HTT: variants seen among roughly 807,000 people sequenced by gnomAD.
HTT encodes huntingtin.
HTT carries 104 observed loss-of-function variants against 362.3 expected under a neutral mutation model. That is an observed-to-expected ratio of 0.29 (90% confidence interval 0.24 to 0.34). HTT has a LOEUF of 0.34. Ranked by LOEUF, HTT falls within the 10% of genes least tolerant of loss-of-function variation. The pLI is 1.00. For synonymous variants in HTT, 1,577 were observed against 1,548.7 expected, an observed-to-expected ratio of 1.02 and a Z score of -0.43; for missense variants, 3,301 against 3,928.6, an observed-to-expected ratio of 0.84 and a Z score of 4.27.
Position 3,145,225 on chromosome 4 carries a change from G to A in HTT, c.3140G>A (p.Cys1047Tyr). 1 of 1,605,166 alleles carries A rather than the reference G, an allele frequency of 6.2e-7. No individual in the cohort carries two copies. Among genetic ancestry groups the A allele is most frequent in the Non-Finnish European group, 8.5e-7 (1 of 1,171,820 alleles). Residue 1047 changes from cysteine (C) to tyrosine (Y), a missense_variant, in exon 24 of 67, where the codon TGT becomes TAT. Cys to Tyr is a radical substitution (Grantham distance 194). Transcript: ENST00000355072. ...TGCATTTGGAGTTTAGGTTGGCACT[G>A]TGGGTATGTATTTTCCTCAGTATAT... Reference protein sequence around the residue: ...PVCIWSLGWHCGVPPLSASDE... With the variant: ...PVCIWSLGWHYGVPPLSASDE...
chr4:3,236,281 C>G (rs1222226140), intron 64 of HTT, 27 bp downstream of exon 64: 2 of 1,459,498 alleles, frequency 1.4e-6, no homozygotes, highest in African/African-American at 2.8e-5. Flanking sequence ...CATCCCTCAG[C>G]CGTTAGCTTC....
intron 19 of HTT, 28 bp downstream of exon 19, chr4:3,134,568 A>G (rs1437290263): frequency 3.1e-6 from 5 of 1,596,846 alleles, no homozygotes; most frequent in African/African-American, 1.3e-5. Context: ...ATTAGATTTC[A>G]TGAACTAAGC....
chr4:3,211,783 T>C, intron 47 of HTT, 146 bp from the exon 48 acceptor site: 1 of 612,846 alleles, frequency 1.6e-6, no homozygotes, highest in Middle Eastern at 4.3e-4. Context: ...GAGTAGAATT[T>C]TCTTAAAAAT....
At chr4:3,127,690 A>C in intron 12 of HTT, 86 bp downstream of exon 12, 1 of 974,840 alleles carries the variant, frequency 1.0e-6, no homozygotes, top group South Asian at 1.6e-5. Context: ...GAGGCCGGGC[A>C]CAGGGGCTCA....
At chr4:3,174,574 CT>C (rs1159950117) in intron 31 of HTT, 146 bp from the exon 32 acceptor site, 1 of 612,694 alleles carries the variant, frequency 1.6e-6, no homozygotes, top group East Asian at 3.0e-5. Flanking sequence ...TGCTGCCACA[CT>C]GAGTGGCCTT....
At chr4:3,176,922 A>G (rs1287939527) in intron 33 of HTT, among the ~76,000 whole-genome samples, 1 of 152,220 alleles carries the variant, frequency 6.6e-6, no homozygotes, top group Non-Finnish European at 1.5e-5. Context: ...ACTGGCTCCC[A>G]TGCAGCCCTT....
intron 19 of HTT, 36 bp from the exon 20 acceptor site, chr4:3,135,868 T>C: frequency 6.4e-7 from 1 of 1,557,060 alleles, no homozygotes; most frequent in African/African-American, 1.4e-5. Context: ...ACTGAGTAAC[T>C]AAATGATTTC....
intron 41 of HTT, among the ~76,000 whole-genome samples, chr4:3,202,776 C>G (rs769637705): frequency 5.3e-5 from 8 of 152,088 alleles, no homozygotes; most frequent in Admixed American, 1.3e-4. Flanking sequence ...TTTTGAGAGG[C>G]TGAAGTGGGA....
At chr4:3,208,107 T>A (rs2110271208) in intron 45 of HTT, among the ~76,000 whole-genome samples, 1 of 152,320 alleles carries the variant, frequency 6.6e-6, no homozygotes, top group South Asian at 2.1e-4. Flanking sequence ...TTTCAGTCTT[T>A]AGAGTACCTT....
intron 1 of HTT, 138 bp from the exon 2 acceptor site, chr4:3,086,801 C>A: frequency 1.8e-6 from 1 of 547,482 alleles, no homozygotes; most frequent in Non-Finnish European, 3.4e-6. Context: ...TCCAGATCCC[C>A]ATTCTGCCCG....
intron 6 of HTT, among the ~76,000 whole-genome samples, chr4:3,112,042 G>C (rs1714780043): frequency 6.6e-6 from 1 of 152,122 alleles, no homozygotes; most frequent in Non-Finnish European, 1.5e-5. Context: ...TTACTTTTTA[G>C]CTTCCGAAGT....
At chr4:3,213,838 C>T (rs1003276209) in intron 49 of HTT, 120 bp from the exon 50 acceptor site, 2 of 824,234 alleles carry the variant, frequency 2.4e-6, no homozygotes, top group South Asian at 4.6e-5. Context: ...TCTGGAAGGG[C>T]AAGGGCACCT....
Position 3,182,301 on chromosome 4 carries a change from G to A in HTT, c.4750-53G>A, listed in dbSNP as rs1261496612. On this transcript the variant is annotated intron_variant, in intron 36 of 66. Coordinates refer to ENST00000355072, the MANE Select transcript of HTT (RefSeq NM_001388492.1). ...CAAGTATAACAGACGGACACGTAGG[G>A]GTGGAAAGGCGTCTCTTGGCAGCAG... The A allele has an allele frequency of 7.3e-6, 8 of 1,098,474 alleles. No individual in the cohort carries two copies. In the Admixed American group the frequency reaches 1.4e-4, roughly 19 times the overall value. 68.0% of individuals were successfully genotyped at this position (1,098,474 alleles called of 1,614,324 possible).
intron 60 of HTT, among the ~76,000 whole-genome samples, chr4:3,230,348 C>T (rs993248910): frequency 2.6e-5 from 4 of 152,152 alleles, no homozygotes; most frequent in African/African-American, 2.4e-5. Context: ...TGTGTGGTGG[C>T]GCTGAGGCAT....
In HTT at chr4:3,235,718, G is replaced by T; in HGVS notation, c.8725G>T (p.Val2909Leu). 6.2e-7 allele frequency: 1 copy of T among 1,612,834 alleles called. No homozygotes were observed. Among genetic ancestry groups the T allele is most frequent in the South Asian group, 1.1e-5 (1 of 91,086 alleles). ...CAAGCTGAGTGTGGACAGAGTGAAC[G>T]TGCACAGCCCGCACCGGGCCATGGC... ...LVKLSVDRVN[V>L]HSPHRAMAAL... The change falls in exon 63 of 67, where the codon GTG becomes TTG. Residue 2909 changes from valine to leucine, a missense_variant. By Grantham distance (32) the Val-to-Leu change is conservative (BLOSUM62 1). Coordinates refer to ENST00000355072, the MANE Select transcript of HTT (RefSeq NM_001388492.1).
intron 2 of HTT, among the ~76,000 whole-genome samples, chr4:3,093,930 A>C (rs1394726734): frequency 1.8e-4 from 4 of 22,024 alleles, no homozygotes; most frequent in Non-Finnish European, 4.0e-4. Context: ...TTTTTTTTTT[A>C]GTATTTATTG....
At chr4:3,148,289 C>G in intron 26 of HTT, 82 bp downstream of exon 26, 1 of 1,007,550 alleles carries the variant, frequency 9.9e-7, no homozygotes, top group South Asian at 1.8e-5. Flanking sequence ...TAATCTGTCC[C>G]TTCTTTATTC....
At chr4:3,132,066 G>A (rs539537845) in intron 16 of HTT, among the ~76,000 whole-genome samples, 8 of 152,320 alleles carry the variant, frequency 5.3e-5, no homozygotes, top group Admixed American at 2.6e-4. Context: ...TCGCAGTGGC[G>A]CTGAGTCGCA....
chr4:3,134,171 G>A (rs1421399218), intron 18 of HTT, among the ~76,000 whole-genome samples: 3 of 152,194 alleles, frequency 2.0e-5, no homozygotes, highest in Non-Finnish European at 4.4e-5. Context: ...GAAATGGAAG[G>A]AAGAAAGAAC....
Sources: gnomAD v4.1 joint callset for allele counts (sites outside exome capture counted in the v4.1 genomes callset) on GRCh38, gnomAD v4.1.1 for gene constraint, MANE v1.5 for transcripts, NCBI Gene and HGNC (gene_info 2026-07-23, HGNC 2026-07-21) for gene names.